Variants in DPP10 observed in about 807,000 individuals in gnomAD.
DPP10 encodes dipeptidyl peptidase like 10, also known as inactive dipeptidyl peptidase 10.
A neutral mutation model predicts 120.9 loss-of-function variants in DPP10; 33 were observed. The observed-to-expected ratio is 0.27, with a 90% CI of 0.21 to 0.37. The LOEUF (loss-of-function observed/expected upper bound fraction) is 0.37. Ranked by LOEUF, DPP10 falls within the 10% of genes least tolerant of loss-of-function variation. The pLI is 1.00. For missense variants in DPP10, 816 were observed against 942.8 expected (o/e 0.87, Z 1.76); for synonymous variants, 337 against 326.1 (o/e 1.03, Z -0.36).
chr2:115,688,077 C>T (rs908408604), intron 5 of DPP10, among the ~76,000 whole-genome samples: 10 of 151,858 alleles, frequency 6.6e-5, no homozygotes, highest in African/African-American at 2.2e-4. Context: ...GAAGTGGTCA[C>T]ATTTCTCATC....
At chr2:114,926,711 C>G (rs1190899744) in intron 1 of DPP10, among the ~76,000 whole-genome samples, 1 of 152,108 alleles carries the variant, frequency 6.6e-6, no homozygotes, top group African/African-American at 2.4e-5. Flanking sequence ...GGAATCACAC[C>G]CCTGGAGGAG....
At chr2:114,473,864 C>A (rs1225523782) in intron 1 of DPP10, among the ~76,000 whole-genome samples, 1 of 152,008 alleles carries the variant, frequency 6.6e-6, no homozygotes, top group African/African-American at 2.4e-5. Flanking sequence ...TTTATACTTA[C>A]ATACATACAT....
Position 115,156,967 on chromosome 2 carries a change from G to A in DPP10, c.61-152272G>A, listed in dbSNP as rs578096327. On this transcript the variant is annotated intron_variant, in intron 1 of 25. Coordinates refer to ENST00000410059, the MANE Select transcript of DPP10 (RefSeq NM_020868.6). ...AAGGTTTTCTTTTTTCTTTTTTACT[G>A]TGCCGACATAACCAATTCATTAAAT... is the stretch of plus-strand genomic sequence containing the variant. Among the ~76,000 whole-genome samples the A allele has an allele frequency of 8.8e-4, 134 of 151,908 alleles. No homozygotes were observed. The Middle Eastern group carries it at 0.014, about 15-fold the overall frequency.
At chr2:115,281,421 A>G (rs1054944108) in intron 1 of DPP10, among the ~76,000 whole-genome samples, 1 of 152,152 alleles carries the variant, frequency 6.6e-6, no homozygotes, top group South Asian at 2.1e-4. Flanking sequence ...CTTCACAGAA[A>G]AGGTTGCTTC....
At chr2:115,359,309 G>A (rs1480610792) in intron 3 of DPP10, among the ~76,000 whole-genome samples, 1 of 152,138 alleles carries the variant, frequency 6.6e-6, no homozygotes, top group African/African-American at 2.4e-5. Context: ...AAGACCTCTT[G>A]TAAGACTGTT....
At position 114,880,258 on chromosome 2, in the gene DPP10, C is replaced by T. The variant is rs538425687; in HGVS notation, c.61-428981C>T. On this transcript the variant is annotated intron_variant, in intron 1 of 25. Coordinates refer to ENST00000410059, the MANE Select transcript of DPP10 (RefSeq NM_020868.6). Reference sequence around the variant, plus strand: ...CTTTGTGCTGTTTGCAAAACAACCACCAAATTTGGCCCAAGACAAAGAATA... The same window carrying T: ...CTTTGTGCTGTTTGCAAAACAACCATCAAATTTGGCCCAAGACAAAGAATA... Among the ~76,000 whole-genome samples the T allele has an allele frequency of 6.5e-4, 99 of 152,270 alleles. 1 individual carries two copies. In the South Asian group the frequency reaches 0.021, roughly 32 times the overall value.
intron 1 of DPP10, among the ~76,000 whole-genome samples, chr2:114,470,910 G>A (rs544422203): frequency 1.2e-4 from 18 of 152,268 alleles, no homozygotes; most frequent in African/African-American, 4.1e-4. Flanking sequence ...CCTCATTGGT[G>A]GAGTCTTGTT....
intron 3 of DPP10, among the ~76,000 whole-genome samples, chr2:115,470,527 TA>T (rs1282031693): frequency 6.6e-6 from 1 of 152,150 alleles, no homozygotes; most frequent in Non-Finnish European, 1.5e-5. Context: ...CGAAGCCCAT[TA>T]TTTGTAATTG....
intron 1 of DPP10, among the ~76,000 whole-genome samples, chr2:114,567,074 C>G (rs1249692766): frequency 2.0e-5 from 3 of 152,200 alleles, no homozygotes; most frequent in East Asian, 3.9e-4. Flanking sequence ...TCCTTCCTAT[C>G]TCCCATCCTC....
At chr2:115,357,596 T>A (rs2064480060) in intron 3 of DPP10, among the ~76,000 whole-genome samples, 1 of 152,040 alleles carries the variant, frequency 6.6e-6, no homozygotes, top group Admixed American at 6.5e-5. Flanking sequence ...CGTCAGTGGA[T>A]CTAACATTCT....
At chr2:114,853,531 A>G (rs1295043112) in intron 1 of DPP10, among the ~76,000 whole-genome samples, 1 of 152,106 alleles carries the variant, frequency 6.6e-6, no homozygotes, top group Non-Finnish European at 1.5e-5. Context: ...TGATGGTTTA[A>G]AAGATGTTCT....
intron 1 of DPP10, among the ~76,000 whole-genome samples, chr2:115,285,036 TG>T (rs2060309334): frequency 1.3e-5 from 2 of 152,068 alleles, no homozygotes; most frequent in Admixed American, 1.3e-4. Flanking sequence ...TCCAGCTCTT[TG>T]TTAAGGGCTG....
At chr2:114,581,475 G>T (rs141464724) in intron 1 of DPP10, among the ~76,000 whole-genome samples, 1 of 152,038 alleles carries the variant, frequency 6.6e-6, no homozygotes, top group Admixed American at 6.5e-5. Flanking sequence ...GAGCCACCAC[G>T]CCCAGCCAAA....
At chr2:115,431,559 A>C (rs1168477239) in intron 3 of DPP10, among the ~76,000 whole-genome samples, 2 of 152,144 alleles carry the variant, frequency 1.3e-5, no homozygotes, top group Non-Finnish European at 2.9e-5. Flanking sequence ...GGGAATTGAC[A>C]AAAAAGCACC....
rs191030296 is a variant in DPP10 at position 114,902,716 on chromosome 2, G to A, written c.61-406523G>A. Among the ~76,000 whole-genome samples, 17 of 152,172 alleles carry A rather than the reference G, an allele frequency of 1.1e-4. No homozygotes were observed. In the South Asian group the frequency reaches 2.7e-3, roughly 24 times the overall value. On this transcript the variant is annotated intron_variant, in intron 1 of 25. Coordinates refer to ENST00000410059, the MANE Select transcript of DPP10 (RefSeq NM_020868.6). ...GAGACTTCCCTGATACTACGAGCTCGCACACATATATAACCCTCCCCATTA... is the reference window on the plus strand; with the variant it reads ...GAGACTTCCCTGATACTACGAGCTCACACACATATATAACCCTCCCCATTA...
intron 7 of DPP10, among the ~76,000 whole-genome samples, chr2:115,697,879 G>C (rs2091681303): frequency 6.6e-6 from 1 of 152,152 alleles, no homozygotes; most frequent in Non-Finnish European, 1.5e-5. Flanking sequence ...CAGTTACTCT[G>C]AAGGCTGAGG....
intron 7 of DPP10, among the ~76,000 whole-genome samples, chr2:115,710,054 A>G (rs1487933776): frequency 1.3e-5 from 2 of 152,138 alleles, no homozygotes; most frequent in Non-Finnish European, 2.9e-5. Context: ...ACAACATATA[A>G]GTAGGACCAA....
intron 5 of DPP10, among the ~76,000 whole-genome samples, chr2:115,639,741 C>T (rs746269273): frequency 8.5e-5 from 13 of 152,114 alleles, no homozygotes; most frequent in Non-Finnish European, 1.9e-4. Flanking sequence ...ACCTAGGAAC[C>T]GGAATCTCTA....
chr2:114,883,974 T>G lies in DPP10; in HGVS notation c.61-425265T>G, dbSNP rs529105621. 2.4e-3 allele frequency among the ~76,000 whole-genome samples: 367 copies of G among 152,346 alleles called. 1 individual carries two copies. The highest frequency in any genetic ancestry group is 8.5e-3 in the African/African-American group (353 of 41,586). On this transcript the variant is annotated intron_variant, in intron 1 of 25. Coordinates refer to ENST00000410059, the MANE Select transcript of DPP10 (RefSeq NM_020868.6). ...ACAGAATGGTTGCTAATGGGAGAAA[T>G]TAGAAATACTGGAGCCATTTTTGTC...
Sources: gnomAD v4.1 joint callset for allele counts (sites outside exome capture counted in the v4.1 genomes callset) on GRCh38, gnomAD v4.1.1 for gene constraint, MANE v1.5 for transcripts, NCBI Gene and HGNC (gene_info 2026-07-23, HGNC 2026-07-21) for gene names.